The following TMEM161B variants were observed in gnomAD, a reference collection of about 807,000 sequenced individuals.
TMEM161B encodes the protein transmembrane protein 161B.
A neutral mutation model predicts 61.8 loss-of-function variants in TMEM161B; 34 were observed. That is an observed-to-expected ratio of 0.55 (90% confidence interval 0.42 to 0.73). TMEM161B has a LOEUF of 0.73. TMEM161B is among the 30% of genes least tolerant of loss of function. The pLI is 0.00. For synonymous variants in TMEM161B, 167 were observed against 192.8 expected (o/e 0.87, Z 1.11); for missense variants, 456 against 558.5 (o/e 0.82, Z 1.85).
chr5:88,261,679 A>AC (rs1380018956), intron 1 of TMEM161B, among the ~76,000 whole-genome samples: 1 of 151,166 alleles, frequency 6.6e-6, no homozygotes, highest in African/African-American at 2.4e-5. Flanking sequence ...AGAAAAAAAA[A>AC]AAACAAACAA....
intron 4 of TMEM161B, among the ~76,000 whole-genome samples, chr5:88,222,625 T>C (rs531940347): frequency 1.3e-5 from 2 of 152,182 alleles, no homozygotes; most frequent in African/African-American, 2.4e-5. Flanking sequence ...CCCATACTCA[T>C]AGGGACTTCT....
chr5:88,196,488 C>A lies in TMEM161B; in HGVS notation c.1187G>T (p.Gly396Val). ...TGGATAAATACCCCAGGAATGATTA[C>A]CTAGAAAATCAAAGACACAAATACA... ...LHTTLLLKTL[G>V]NHSWGIYPES... The change falls in exon 12 of 12, where the codon GGT (glycine) becomes GTT (valine). Residue 396 changes from glycine (G) to valine (V), a missense_variant and splice_region_variant. Coordinates refer to ENST00000296595, the MANE Select transcript of TMEM161B (RefSeq NM_153354.5). The A allele has an allele frequency of 6.4e-7, 1 of 1,558,780 alleles. No homozygotes were observed.
chr5:88,220,452 T>C, intron 5 of TMEM161B, 111 bp downstream of exon 5: 1 of 905,586 alleles, frequency 1.1e-6, no homozygotes, highest in Non-Finnish European at 1.5e-6. Context: ...ATAAAAAAGA[T>C]TTCAATAAAG....
intron 2 of TMEM161B, among the ~76,000 whole-genome samples, chr5:88,240,260 C>T (rs1339890737): frequency 6.6e-6 from 1 of 151,780 alleles, no homozygotes; most frequent in East Asian, 1.9e-4. Flanking sequence ...CTATGAACTC[C>T]TAATATCTGT....
intron 1 of TMEM161B, among the ~76,000 whole-genome samples, chr5:88,262,999 A>G (rs1175108762): frequency 6.6e-6 from 1 of 152,148 alleles, no homozygotes; most frequent in Non-Finnish European, 1.5e-5. Flanking sequence ...ACACATTTCT[A>G]TTATTTTTCT....
At chr5:88,200,661 T>C (rs893270295) in intron 9 of TMEM161B, 2 of 152,090 alleles carry the variant, frequency 1.3e-5, no homozygotes, top group Non-Finnish European at 2.9e-5. Context: ...TCTGAAGAAG[T>C]TGATCTGATA....
chr5:88,256,445 G>A (rs1754995004), intron 1 of TMEM161B, among the ~76,000 whole-genome samples: 1 of 152,086 alleles, frequency 6.6e-6, no homozygotes, highest in African/African-American at 2.4e-5. Context: ...TATCTCTACA[G>A]GTATGTATTC....
At chr5:88,223,607 GC>G (rs1401290582) in intron 4 of TMEM161B, among the ~76,000 whole-genome samples, 1 of 152,198 alleles carries the variant, frequency 6.6e-6, no homozygotes, top group East Asian at 1.9e-4. Flanking sequence ...GTCTAAATGG[GC>G]CAGGTGCAGT....
intron 1 of TMEM161B, among the ~76,000 whole-genome samples, chr5:88,241,766 T>C (rs1387254856): frequency 2.0e-5 from 3 of 151,814 alleles, no homozygotes; most frequent in African/African-American, 7.2e-5. Context: ...CAAACCTTCT[T>C]TCCTCTCTTC....
intron 5 of TMEM161B, among the ~76,000 whole-genome samples, chr5:88,212,567 C>A (rs904488886): frequency 1.3e-5 from 2 of 152,210 alleles, no homozygotes; most frequent in Admixed American, 1.3e-4. Flanking sequence ...GCGGCTCACA[C>A]CTGTAATCCT....
chr5:88,262,015 C>T (rs1755757314), intron 1 of TMEM161B, among the ~76,000 whole-genome samples: 1 of 152,022 alleles, frequency 6.6e-6, no homozygotes, highest in Non-Finnish European at 1.5e-5. Context: ...AAAATATCTG[C>T]AAAAGACATA....
intron 2 of TMEM161B, among the ~76,000 whole-genome samples, chr5:88,233,264 A>C (rs1751318109): frequency 6.6e-6 from 1 of 152,248 alleles, no homozygotes; most frequent in Non-Finnish European, 1.5e-5. Flanking sequence ...AAAGAATGAA[A>C]CAAGTGGTGA....
At chr5:88,198,827 T>C (rs1421124571) in intron 10 of TMEM161B, 149 bp downstream of exon 10, 1 of 738,266 alleles carries the variant, frequency 1.4e-6, no homozygotes, top group Non-Finnish European at 2.1e-6. Context: ...TCAAGGTCTC[T>C]TTGATATCTG....
chr5:88,195,440 T>C lies in TMEM161B; in HGVS notation c.*771A>G. On this transcript the variant is annotated 3_prime_UTR_variant, in exon 12 of 12. Coordinates refer to ENST00000296595, the MANE Select transcript of TMEM161B (RefSeq NM_153354.5). The stretch of plus-strand genomic sequence containing the variant: ...AGTAATTTCTTTAAAGTCTGATCAG[T>C]ATTGATAAATATTTTAGCCTATTAA... The C allele has an allele frequency of 1.0e-6, 1 of 964,752 alleles. No homozygotes were observed. The highest frequency in any genetic ancestry group is 1.2e-6 in the Non-Finnish European group (1 of 811,910). 59.8% of individuals were successfully genotyped at this position (964,752 alleles called of 1,614,324 possible).
intron 1 of TMEM161B, among the ~76,000 whole-genome samples, chr5:88,246,285 A>G (rs1753610230): frequency 1.3e-5 from 2 of 151,758 alleles, no homozygotes; most frequent in Non-Finnish European, 2.9e-5. Context: ...TGCTACTGAA[A>G]AAAAAAAGTA....
At chr5:88,217,745 C>T (rs999710409) in intron 5 of TMEM161B, among the ~76,000 whole-genome samples, 1 of 152,074 alleles carries the variant, frequency 6.6e-6, no homozygotes, top group African/African-American at 2.4e-5. Context: ...GATTCAGCAA[C>T]TTACCTCACC....
rs1371709986 is a variant in TMEM161B, at chr5:88,203,063, A to G, written c.813T>C (p.His271=). ...TAAATAAAGGTGCCAAGAAGTTGAT[A>G]TGAAGTAAAGTTCTGAAAGTACGTA... ...ATEKITQTLL[H]INFLAPLFMV... is the part of the protein sequence containing the mutation. The change falls in exon 9 of 12, where the codon CAT becomes CAC. Residue 271 remains histidine (H), a synonymous_variant. Coordinates refer to ENST00000296595, the MANE Select transcript of TMEM161B (RefSeq NM_153354.5). 6.3e-7 allele frequency: 1 copy of G among 1,593,086 alleles called. No individual in the cohort carries two copies. The highest frequency in any genetic ancestry group is 1.1e-5 in the South Asian group (1 of 90,366).
intron 9 of TMEM161B, chr5:88,201,971 T>C (rs1437408159): frequency 2.9e-6 from 1 of 344,912 alleles, no homozygotes; most frequent in Non-Finnish European, 5.8e-6. Flanking sequence ...GCGGAGTCAA[T>C]GACTAGTCAA....
At chr5:88,248,926 C>G (rs971291714) in intron 1 of TMEM161B, among the ~76,000 whole-genome samples, 2 of 152,082 alleles carry the variant, frequency 1.3e-5, no homozygotes, top group South Asian at 2.1e-4. Context: ...GGCTTTTAAG[C>G]CTTCTTTTTT....
Sources: allele counts gnomAD v4.1 joint callset (sites outside exome capture counted in the v4.1 genomes callset), GRCh38; gene constraint gnomAD v4.1.1; transcripts MANE v1.5; gene names NCBI Gene and HGNC (gene_info 2026-07-23, HGNC 2026-07-21).